The following ACTR3C variants were observed in gnomAD, a reference collection of about 807,000 sequenced individuals.
ACTR3C encodes the protein actin-related protein 3C.
ACTR3C carries 18 observed loss-of-function variants against 26.3 expected under a neutral mutation model. That is an observed-to-expected ratio of 0.68 (90% confidence interval 0.47 to 1.01). The LOEUF is 1.01. Among genes scored for constraint, ACTR3C ranks in the 50% least tolerant of loss-of-function variants. ACTR3C has a pLI of 0.00. For missense variants in ACTR3C, 184 were observed against 250.7 expected (o/e 0.73, Z 1.80); for synonymous variants, 55 against 94.5 (o/e 0.58, Z 2.42).
the ACTR3C span, chr7:150,074,380 G>T: frequency 6.6e-6 from 1 of 152,222 alleles, no homozygotes; most frequent in East Asian, 1.9e-4. Context: ...GAAACCAGGT[G>T]AAAGCTTCCA....
chr7:150,066,941 C>A, the ACTR3C span, among the ~76,000 whole-genome samples: 103 of 152,248 alleles, frequency 6.8e-4, no homozygotes, highest in African/African-American at 2.4e-3. Context: ...GTTGGGTTTC[C>A]AAATAAGAAC....
At chr7:150,087,497 G>A in the ACTR3C span, among the ~76,000 whole-genome samples, 1,178 of 152,322 alleles carry the variant, frequency 7.7e-3, 16 homozygotes, top group African/African-American at 0.027. Flanking sequence ...GACCCTGGAG[G>A]TGAAGGGGGA....
chr7:150,230,369 C>T, the ACTR3C span, among the ~76,000 whole-genome samples: 235 of 152,254 alleles, frequency 1.5e-3, no homozygotes, highest in African/African-American at 5.5e-3. Flanking sequence ...TCTTCTTGTA[C>T]AAGTTGGTCT....
the ACTR3C span, among the ~76,000 whole-genome samples, chr7:149,931,770 A>G: frequency 6.6e-6 from 1 of 151,978 alleles, no homozygotes; most frequent in South Asian, 2.1e-4. Flanking sequence ...AATTTTAATA[A>G]CAAAAATAAA....
chr7:149,958,910 C>T, the ACTR3C span, among the ~76,000 whole-genome samples: 1 of 152,186 alleles, frequency 6.6e-6, no homozygotes, highest in Non-Finnish European at 1.5e-5. Context: ...ACCCTGACCC[C>T]AGGAATTGTG....
intron 6 of ACTR3C, among the ~76,000 whole-genome samples, chr7:150,263,361 T>C (rs1307943027): frequency 6.6e-6 from 1 of 152,278 alleles, no homozygotes; most frequent in Non-Finnish European, 1.5e-5. Flanking sequence ...TCTATCTTTC[T>C]ATTTTATCTA....
At chr7:150,102,863 G>T in the ACTR3C span, among the ~76,000 whole-genome samples, 1 of 151,982 alleles carries the variant, frequency 6.6e-6, no homozygotes, top group African/African-American at 2.4e-5. Context: ...TGGCATGAAC[G>T]CAGACCTGCC....
intron 6 of ACTR3C, among the ~76,000 whole-genome samples, chr7:150,261,000 A>G (rs1167217790): frequency 2.6e-5 from 4 of 152,172 alleles, no homozygotes; most frequent in Non-Finnish European, 5.9e-5. Flanking sequence ...TTATATTGAA[A>G]CTGTAGTACT....
chr7:150,250,202 C>CTT lies in ACTR3C; in HGVS notation c.565-1150_565-1149dup, dbSNP rs1192764981. Among the ~76,000 whole-genome samples the CTT allele has an allele frequency of 9.3e-4, 117 of 125,474 alleles. 3 individuals are homozygous for CTT. The highest frequency in any genetic ancestry group is 6.1e-3 in the South Asian group (25 of 4,094). The allele number at this position is 125,474 out of a possible 152,430, so 82.3% of individuals were successfully genotyped here. ...ATGAGCAAGAAATGACAGAATCTGA[C>CTT]TTTTTTTTTTTTTTTTTTTGAGACG... On this transcript the variant is annotated intron_variant, in intron 6 of 7. Coordinates refer to ENST00000683684, the MANE Select transcript of ACTR3C (RefSeq NM_001164458.2).
chr7:150,198,783 CGT>C, the ACTR3C span, among the ~76,000 whole-genome samples: 4 of 133,040 alleles, frequency 3.0e-5, no homozygotes, highest in African/African-American at 6.6e-5. Context: ...CCTGGCCAGC[CGT>C]GCCGTCCGGG....
the ACTR3C span, among the ~76,000 whole-genome samples, chr7:150,187,056 AC>A: frequency 1.3e-5 from 2 of 151,876 alleles, no homozygotes; most frequent in Non-Finnish European, 2.9e-5. Context: ...AAGGAGTTAT[AC>A]CATGAGAATA....
At chr7:149,893,413 CTAATAA>C in the ACTR3C span, among the ~76,000 whole-genome samples, 1 of 152,148 alleles carries the variant, frequency 6.6e-6, no homozygotes, top group African/African-American at 2.4e-5. Flanking sequence ...ATGTCAATAA[CTAATAA>C]TAATAATAAA....
the ACTR3C span, among the ~76,000 whole-genome samples, chr7:150,209,722 TACACACACACACACACACAC>T: frequency 1.5e-5 from 2 of 129,216 alleles, no homozygotes; most frequent in African/African-American, 5.9e-5. Flanking sequence ...CTACTAAAAA[TACACACACACACACACACAC>T]ACACACACAC....
chr7:150,141,593 C>T, the ACTR3C span, among the ~76,000 whole-genome samples: 4 of 151,918 alleles, frequency 2.6e-5, no homozygotes, highest in African/African-American at 4.8e-5. Context: ...CCAGAAGCAT[C>T]GGATGGGAAC....
the ACTR3C span, among the ~76,000 whole-genome samples, chr7:149,929,696 A>C: frequency 1.3e-5 from 2 of 151,922 alleles, no homozygotes; most frequent in Non-Finnish European, 2.9e-5. Flanking sequence ...ACACCCAGCT[A>C]ATTTTTGTAT....
At chr7:149,894,452 C>G in the ACTR3C span, among the ~76,000 whole-genome samples, 13 of 152,046 alleles carry the variant, frequency 8.6e-5, no homozygotes, top group Non-Finnish European at 1.6e-4. Context: ...AGTGAAGAGA[C>G]AATCTATAGA....
chr7:150,066,790 A>C, the ACTR3C span, among the ~76,000 whole-genome samples: 1,212 of 152,340 alleles, frequency 8.0e-3, 15 homozygotes, highest in African/African-American at 0.027. Context: ...ATTGCAAAGA[A>C]GTCTAGAAAC....
At chr7:150,040,757 G>A in the ACTR3C span, 1 of 146,866 alleles carries the variant, frequency 6.8e-6, no homozygotes, top group Admixed American at 6.7e-5. Context: ...GGCGTCCTAA[G>A]CCAGTGGGGG....
At chr7:149,957,820 C>A in the ACTR3C span, among the ~76,000 whole-genome samples, 2 of 152,002 alleles carry the variant, frequency 1.3e-5, no homozygotes, top group East Asian at 3.9e-4. Context: ...TCTGGAGAAC[C>A]CTGACTTGTA....
Sources: gnomAD v4.1 joint callset for allele counts (sites outside exome capture counted in the v4.1 genomes callset) on GRCh38, gnomAD v4.1.1 for gene constraint, MANE v1.5 for transcripts, NCBI Gene and HGNC (gene_info 2026-07-23, HGNC 2026-07-21) for gene names.